The following PVALB variants were observed in gnomAD, a reference collection of about 807,000 sequenced individuals.
PVALB encodes parvalbumin, also known as parvalbumin alpha.
A neutral mutation model predicts 10.9 loss-of-function variants in PVALB; 11 were observed. That is an observed-to-expected ratio of 1.01 (90% CI 0.63 to 1.67). The LOEUF is 1.67. Among genes scored for constraint, PVALB ranks in the 40% most tolerant of loss-of-function variants. PVALB has a pLI of 0.00. For missense variants in PVALB, 131 were observed against 136.2 expected, an observed-to-expected ratio of 0.96 and a Z score of 0.19; for synonymous variants, 57 against 50.7, an observed-to-expected ratio of 1.12 and a Z score of -0.53.
rs1322325626 is a variant in PVALB at position 36,815,937 on chromosome 22, G to A, written c.62-702C>T. ...AGAGGTTCTTGTGCCCAGGGGAGGGGGTGCAAAGCAGAAAGGAAATGGGGG... is the reference window on the plus strand; with the variant it reads ...AGAGGTTCTTGTGCCCAGGGGAGGGAGTGCAAAGCAGAAAGGAAATGGGGG... On this transcript the variant is annotated intron_variant, in intron 1 of 3. Coordinates refer to ENST00000417718, the MANE Select transcript of PVALB (RefSeq NM_001315532.2). Among the ~76,000 whole-genome samples the A allele has an allele frequency of 2.0e-5, 3 of 152,040 alleles. No individual in the cohort carries two copies. The East Asian group carries it at 5.8e-4, about 29-fold the overall frequency.
intron 3 of PVALB, 77 bp from the exon 4 acceptor site, chr22:36,800,995 C>T (rs1017584471): frequency 7.6e-6 from 11 of 1,448,262 alleles, no homozygotes; most frequent in Admixed American, 1.7e-5. Context: ...ACTGCGGGGC[C>T]CTGGGTGGTG....
upstream of PVALB, among the ~76,000 whole-genome samples, chr22:36,818,175 C>G (rs1335042998): frequency 6.6e-6 from 1 of 152,062 alleles, no homozygotes; most frequent in Admixed American, 6.6e-5. Flanking sequence ...GGGTTGTGAC[C>G]TTCTCTGGGC....
intron 3 of PVALB, among the ~76,000 whole-genome samples, chr22:36,802,265 C>T (rs1601517221): frequency 6.6e-6 from 1 of 152,060 alleles, no homozygotes; most frequent in African/African-American, 2.4e-5. Flanking sequence ...AGTGAAAACA[C>T]ACACACACAA....
chr22:36,808,678 G>A (rs1939000813), intron 3 of PVALB, among the ~76,000 whole-genome samples: 1 of 152,218 alleles, frequency 6.6e-6, no homozygotes, highest in African/African-American at 2.4e-5. Context: ...CATCTGTGTT[G>A]CCATAGGCCC....
chr22:36,800,927 C>A lies in PVALB; in HGVS notation c.305-9G>T, dbSNP rs2001063. 770,465 of 1,605,616 alleles carry A rather than the reference C, an allele frequency of 0.48. 187,293 individuals are homozygous for A. The highest frequency in any genetic ancestry group is 0.66 in the East Asian group (29,701 of 44,824). ...CACCAGAGTGGAGAATTCTGCAGAA[C>A]AAAATGACAAGGAAAGTGAGTCAGA... On this transcript the variant is annotated splice_polypyrimidine_tract_variant and intron_variant, in intron 3 of 3. Transcript: ENST00000417718.
chr22:36,800,788 A>C lies in PVALB; in HGVS notation c.*102T>G, dbSNP rs562047261. On this transcript the variant is annotated 3_prime_UTR_variant, in exon 4 of 4. Transcript: ENST00000417718. ...GCCACAGGGGATGGGGGAGTAAAAA[A>C]TAACATAAACGAACTGAACAGAAAT... 3.5e-5 allele frequency: 48 copies of C among 1,353,600 alleles called. No homozygotes were observed. In the South Asian group the frequency reaches 5.5e-4, roughly 15 times the overall value. The allele number at this position is 1,353,600 out of a possible 1,614,324, so 83.8% of individuals were successfully genotyped here.
intron 3 of PVALB, among the ~76,000 whole-genome samples, chr22:36,809,863 T>G (rs1009224052): frequency 6.6e-6 from 1 of 151,414 alleles, no homozygotes; most frequent in African/African-American, 2.4e-5. Flanking sequence ...ATGTTTTTTT[T>G]TTTTTTTTTT....
intron 2 of PVALB, 118 bp from the exon 3 acceptor site, chr22:36,813,873 G>A (rs1185276459): frequency 3.8e-6 from 3 of 797,524 alleles, no homozygotes; most frequent in East Asian, 2.4e-5. Flanking sequence ...GACAGGCAGC[G>A]AGCAGCAGTC....
chr22:36,814,304 T>TGTGTGC (rs1569093977), intron 2 of PVALB, among the ~76,000 whole-genome samples: 1 of 149,734 alleles, frequency 6.7e-6, no homozygotes, highest in African/African-American at 2.5e-5. Context: ...TGTGTGTGTG[T>TGTGTGC]GCATAAGTGT....
At chr22:36,805,842 G>A (rs962179730) in intron 3 of PVALB, among the ~76,000 whole-genome samples, 9 of 152,076 alleles carry the variant, frequency 5.9e-5, no homozygotes, top group Admixed American at 5.2e-4. Context: ...CGAAAGTCCT[G>A]AAACTAAGCA....
chr22:36,807,551 A>C (rs1938971594), intron 3 of PVALB, among the ~76,000 whole-genome samples: 1 of 152,214 alleles, frequency 6.6e-6, no homozygotes, highest in African/African-American at 2.4e-5. Flanking sequence ...CACTTTTAAA[A>C]GGTTTTGGGT....
intron 1 of PVALB, 74 bp from the exon 2 acceptor site, chr22:36,815,309 A>G: frequency 1.8e-5 from 29 of 1,578,022 alleles, no homozygotes; most frequent in Non-Finnish European, 2.5e-5. Context: ...GGGGGGCATC[A>G]AGGCATTTGT....
intron 2 of PVALB, 24 bp downstream of exon 2, chr22:36,815,079 C>T: frequency 6.2e-7 from 1 of 1,613,128 alleles, no homozygotes; most frequent in Non-Finnish European, 8.5e-7. Flanking sequence ...GTGGGCTGGG[C>T]AGCCCCTGCA....
At chr22:36,813,270 G>T (rs941884327) in intron 3 of PVALB, among the ~76,000 whole-genome samples, 2 of 152,080 alleles carry the variant, frequency 1.3e-5, no homozygotes, top group African/African-American at 4.8e-5. Context: ...AGAGATGGGA[G>T]ACAGAGGCCC....
chr22:36,808,185 G>T (rs2284024), intron 3 of PVALB, among the ~76,000 whole-genome samples: 142,047 of 152,330 alleles, frequency 0.93, 66,353 homozygotes, highest in African/African-American at 0.98. Flanking sequence ...TCTGCTTCCC[G>T]GGGCCTCAGA....
At chr22:36,811,051 G>A (rs771720559) in intron 3 of PVALB, among the ~76,000 whole-genome samples, 15 of 152,314 alleles carry the variant, frequency 9.8e-5, no homozygotes, top group South Asian at 2.1e-4. Flanking sequence ...TGAGGTGGGC[G>A]GATGACTTGA....
At chr22:36,809,223 T>C (rs1206546782) in intron 3 of PVALB, among the ~76,000 whole-genome samples, 1 of 152,236 alleles carries the variant, frequency 6.6e-6, no homozygotes, top group Admixed American at 6.5e-5. Context: ...TCCTCATCAC[T>C]GCACAGTGCT....
chr22:36,814,970 T>G, intron 2 of PVALB, 133 bp downstream of exon 2: 5 of 1,227,606 alleles, frequency 4.1e-6, no homozygotes, highest in Non-Finnish European at 4.5e-6. Context: ...AGCCCTGCCT[T>G]CACGCACGGT....
chr22:36,802,228 A>T (rs1032862054), intron 3 of PVALB, among the ~76,000 whole-genome samples: 1 of 152,126 alleles, frequency 6.6e-6, no homozygotes, highest in Non-Finnish European at 1.5e-5. Context: ...ATTCTTCTGT[A>T]TATCTACAAT....
Sources: allele counts gnomAD v4.1 joint callset (sites outside exome capture counted in the v4.1 genomes callset), GRCh38; gene constraint gnomAD v4.1.1; transcripts MANE v1.5; gene names NCBI Gene and HGNC (gene_info 2026-07-23, HGNC 2026-07-21).